Variants in XIRP2 observed in about 807,000 individuals in gnomAD.
XIRP2 encodes the protein xin actin binding repeat containing 2, also known as xin actin-binding repeat-containing protein 2.
A neutral mutation model predicts 277.0 loss-of-function variants in XIRP2; 236 were observed. The observed-to-expected ratio is 0.85, with a 90% CI of 0.77 to 0.95. The LOEUF is 0.95. Among genes scored for constraint, XIRP2 ranks in the 40% least tolerant of loss-of-function variants. The probability of loss-of-function intolerance (pLI) is 0.00; values close to 1 mark genes in which losing one functional copy is unlikely to be tolerated. For missense variants in XIRP2, 4,640 were observed against 4,157.5 expected (o/e 1.12, Z -3.19); for synonymous variants, 1,490 against 1,416.5 (o/e 1.05, Z -1.17).
At chr2:167,136,397 TTC>T (rs1260105369) in intron 3 of XIRP2, among the ~76,000 whole-genome samples, 1 of 152,140 alleles carries the variant, frequency 6.6e-6, no homozygotes, top group Admixed American at 6.6e-5. Flanking sequence ...ATACTTGTCT[TTC>T]TGTCTGTGGG....
intron 2 of XIRP2, among the ~76,000 whole-genome samples, chr2:166,943,656 A>T (rs2105386184): frequency 6.6e-6 from 1 of 152,318 alleles, no homozygotes; most frequent in Non-Finnish European, 1.5e-5. Flanking sequence ...TGTCACACTG[A>T]CTGGCCAGTG....
At chr2:167,056,347 T>C (rs1689036849) in intron 2 of XIRP2, among the ~76,000 whole-genome samples, 1 of 152,172 alleles carries the variant, frequency 6.6e-6, no homozygotes, top group Non-Finnish European at 1.5e-5. Flanking sequence ...TTGATTTACG[T>C]GGTTAATCAT....
At chr2:167,027,301 C>A (rs1328906610) in intron 2 of XIRP2, among the ~76,000 whole-genome samples, 1 of 152,110 alleles carries the variant, frequency 6.6e-6, no homozygotes, top group African/African-American at 2.4e-5. Flanking sequence ...CACATCAGCT[C>A]CTGAGGCTTC....
At chr2:166,891,209 A>C (rs1399997043) in intron 1 of XIRP2, among the ~76,000 whole-genome samples, 1 of 152,230 alleles carries the variant, frequency 6.6e-6, no homozygotes, top group Non-Finnish European at 1.5e-5. Context: ...AGATAAGCTT[A>C]TTGCAAATAT....
Position 167,249,332 on chromosome 2 carries a change from C to T in XIRP2, c.7940C>T (p.Ala2647Val), listed in dbSNP as rs372135000. 9.9e-5 allele frequency: 160 copies of T among 1,613,634 alleles called. No homozygotes were observed. The highest frequency in any genetic ancestry group is 1.3e-4 in the Non-Finnish European group (153 of 1,179,808). Residue 2647 changes from alanine (A) to valine (V), a missense_variant, in exon 9 of 11, where the codon GCA becomes GTA. Transcript: ENST00000409195. ...VAAKRLHHVL[A>V]ASEDKDKMKK... ...GCCAAGAGGCTCCACCATGTTTTAG[C>T]AGCTTCAGAAGACAAAGATAAGATG...
chr2:166,891,860 T>A (rs886649961), intron 1 of XIRP2, among the ~76,000 whole-genome samples: 1 of 152,162 alleles, frequency 6.6e-6, no homozygotes, highest in Non-Finnish European at 1.5e-5. Context: ...TTTGACATAT[T>A]TACCTAACCT....
chr2:166,926,764 G>C (rs1332269331), intron 2 of XIRP2, among the ~76,000 whole-genome samples: 1 of 152,106 alleles, frequency 6.6e-6, no homozygotes, highest in African/African-American at 2.4e-5. Context: ...ACAGTGAACA[G>C]ACTAGAGAGC....
chr2:167,070,170 T>C (rs575607126), intron 2 of XIRP2, among the ~76,000 whole-genome samples: 4 of 152,072 alleles, frequency 2.6e-5, no homozygotes, highest in African/African-American at 9.6e-5. Flanking sequence ...ACTTAACTCT[T>C]ATCCATAGTC....
chr2:167,172,549 C>T (rs187851145), intron 3 of XIRP2, among the ~76,000 whole-genome samples: 48 of 152,258 alleles, frequency 3.2e-4, no homozygotes, highest in Non-Finnish European at 4.3e-4. Context: ...GTCCCCAGAA[C>T]GGCCATTTTA....
At chr2:166,940,429 GC>G (rs1461473670) in intron 2 of XIRP2, among the ~76,000 whole-genome samples, 2 of 152,164 alleles carry the variant, frequency 1.3e-5, no homozygotes, top group African/African-American at 4.8e-5. Flanking sequence ...ATCGTCTGAA[GC>G]CTTCTTCTCT....
chr2:167,122,584 C>G (rs962772687), intron 2 of XIRP2, among the ~76,000 whole-genome samples: 3 of 152,110 alleles, frequency 2.0e-5, no homozygotes, highest in African/African-American at 7.2e-5. Context: ...GATACTGTCT[C>G]TAGATAGTAT....
intron 2 of XIRP2, among the ~76,000 whole-genome samples, chr2:166,938,801 T>C (rs1266405734): frequency 6.6e-6 from 1 of 152,226 alleles, no homozygotes; most frequent in Non-Finnish European, 1.5e-5. Flanking sequence ...CATATATATT[T>C]AGGATAGTTA....
chr2:167,071,626 A>G lies in XIRP2; in HGVS notation c.409-64283A>G, dbSNP rs561035024. On this transcript the variant is annotated intron_variant, in intron 2 of 10. Transcript: ENST00000409195. ...GTCACACAGATTTAACTCCTTGGCC[A>G]CTTCCTCACCTCTTCCTGTTTGTTA... Among the ~76,000 whole-genome samples the G allele has an allele frequency of 3.3e-5, 5 of 152,306 alleles. No homozygotes were observed. The South Asian group carries it at 8.3e-4, about 25-fold the overall frequency.
At chr2:167,108,638 G>A (rs899297554) in intron 2 of XIRP2, among the ~76,000 whole-genome samples, 3 of 151,896 alleles carry the variant, frequency 2.0e-5, no homozygotes, top group East Asian at 3.9e-4. Flanking sequence ...ATGGTAAATC[G>A]TTTACAAAGA....
chr2:166,906,885 A>G (rs1342692399), intron 2 of XIRP2, among the ~76,000 whole-genome samples: 1 of 152,186 alleles, frequency 6.6e-6, no homozygotes, highest in Non-Finnish European at 1.5e-5. Flanking sequence ...GCACCACTGC[A>G]TTCCATCCTG....
intron 2 of XIRP2, among the ~76,000 whole-genome samples, chr2:167,027,328 A>T (rs1688194636): frequency 6.6e-6 from 1 of 152,024 alleles, no homozygotes; most frequent in Non-Finnish European, 1.5e-5. Context: ...CTTCACGTAG[A>T]TCTCAAGCCT....
intron 2 of XIRP2, among the ~76,000 whole-genome samples, chr2:166,917,237 C>T (rs1684911610): frequency 6.6e-6 from 1 of 152,090 alleles, no homozygotes; most frequent in Non-Finnish European, 1.5e-5. Context: ...AATCTTTTAA[C>T]ATAAGTTACA....
intron 2 of XIRP2, among the ~76,000 whole-genome samples, chr2:167,068,607 CT>C (rs201447859): frequency 6.1e-5 from 9 of 148,066 alleles, no homozygotes; most frequent in South Asian, 4.3e-4. Flanking sequence ...TTTTTCTTTG[CT>C]TTTTTTTTTC....
chr2:167,123,630 C>T (rs1691120122), intron 2 of XIRP2, among the ~76,000 whole-genome samples: 1 of 152,096 alleles, frequency 6.6e-6, no homozygotes, highest in Non-Finnish European at 1.5e-5. Context: ...CCGTGGCTTG[C>T]AGATGGCCTC....
Sources: gnomAD v4.1 joint callset for allele counts (sites outside exome capture counted in the v4.1 genomes callset) on GRCh38, gnomAD v4.1.1 for gene constraint, MANE v1.5 for transcripts, NCBI Gene and HGNC (gene_info 2026-07-23, HGNC 2026-07-21) for gene names.